Variants in LINGO2 observed in about 807,000 individuals in gnomAD.
LINGO2 encodes the protein leucine rich repeat and Ig domain containing 2.
A neutral mutation model predicts 30.6 loss-of-function variants in LINGO2; 14 were observed. The ratio of observed to expected loss-of-function variants is 0.46; its 90% CI spans 0.30 to 0.72. LINGO2 has a LOEUF of 0.72. Ranked by LOEUF, LINGO2 falls within the 30% of genes least tolerant of loss-of-function variation. The pLI, the probability that LINGO2 is intolerant of heterozygous loss-of-function variation, is 0.07. For synonymous variants in LINGO2, 317 were observed against 288.5 expected, an observed-to-expected ratio of 1.10 and a Z score of -1.00; for missense variants, 729 against 751.7, an observed-to-expected ratio of 0.97 and a Z score of 0.35.
chr9:28,741,869 T>G, the LINGO2 span, among the ~76,000 whole-genome samples: 8,444 of 151,790 alleles, frequency 0.056, 350 homozygotes, highest in East Asian at 0.16. Context: ...GAGTCTAGTT[T>G]GAAGCCTGGG....
intron 4 of LINGO2, among the ~76,000 whole-genome samples, chr9:28,286,768 A>G (rs917914546): frequency 6.6e-6 from 1 of 152,138 alleles, no homozygotes; most frequent in African/African-American, 2.4e-5. Flanking sequence ...ATGAGAACAA[A>G]TGGTCACATA....
intron 4 of LINGO2, among the ~76,000 whole-genome samples, chr9:28,126,822 T>A (rs913603665): frequency 2.0e-5 from 3 of 152,238 alleles, no homozygotes; most frequent in Admixed American, 6.5e-5. Context: ...CAACTGGGGA[T>A]GCTCAGCAGT....
intron 2 of LINGO2, among the ~76,000 whole-genome samples, chr9:28,373,125 T>A (rs1820969787): frequency 6.6e-6 from 1 of 152,194 alleles, no homozygotes; most frequent in Non-Finnish European, 1.5e-5. Context: ...ATAGAAATTA[T>A]GAATGACAAT....
chr9:28,733,424 T>G, the LINGO2 span, among the ~76,000 whole-genome samples: 2 of 152,148 alleles, frequency 1.3e-5, no homozygotes, highest in Non-Finnish European at 2.9e-5. Context: ...TCAAAAAATA[T>G]TGTGGAAAAT....
chr9:28,264,471 G>A (rs1017216033), intron 4 of LINGO2, among the ~76,000 whole-genome samples: 3 of 151,954 alleles, frequency 2.0e-5, no homozygotes, highest in African/African-American at 7.2e-5. Context: ...AACTGTAAAA[G>A]TCATCTATTA....
the LINGO2 span, among the ~76,000 whole-genome samples, chr9:28,779,041 C>T: frequency 1.3e-5 from 2 of 152,012 alleles, no homozygotes; most frequent in African/African-American, 4.8e-5. Context: ...AAATCTTAAC[C>T]GTACTATTTT....
the LINGO2 span, among the ~76,000 whole-genome samples, chr9:28,741,490 G>A: frequency 6.6e-6 from 1 of 151,972 alleles, no homozygotes; most frequent in Non-Finnish European, 1.5e-5. Context: ...TGGGCCTAAT[G>A]CCTGTGGCCT....
chr9:28,166,337 C>T (rs116330093), intron 4 of LINGO2, among the ~76,000 whole-genome samples: 1,625 of 152,244 alleles, frequency 0.011, 26 homozygotes, highest in African/African-American at 0.034. Flanking sequence ...CAGACTTGTC[C>T]GGTGCTACTT....
At chr9:28,415,116 C>A (rs955900601) in intron 2 of LINGO2, among the ~76,000 whole-genome samples, 10 of 151,986 alleles carry the variant, frequency 6.6e-5, no homozygotes, top group Non-Finnish European at 1.5e-4. Flanking sequence ...GAAGGACATG[C>A]ACCAAAATCA....
the LINGO2 span, among the ~76,000 whole-genome samples, chr9:29,035,050 C>T: frequency 3.0e-4 from 45 of 152,082 alleles, no homozygotes; most frequent in African/African-American, 1.1e-3. Context: ...TTCAATTTAA[C>T]TGCATTATTA....
At chr9:27,953,020 T>C (rs1819390513) in intron 5 of LINGO2, among the ~76,000 whole-genome samples, 1 of 152,080 alleles carries the variant, frequency 6.6e-6, no homozygotes, top group Non-Finnish European at 1.5e-5. Context: ...ATGAGTATAA[T>C]AAAATTAAAA....
intron 4 of LINGO2, among the ~76,000 whole-genome samples, chr9:28,240,833 TAA>T (rs778179404): frequency 4.6e-5 from 7 of 152,092 alleles, no homozygotes; most frequent in Non-Finnish European, 1.0e-4. Flanking sequence ...TATAAAAACT[TAA>T]GTTTTAAGTT....
At chr9:28,375,297 C>T (rs1215442194) in intron 2 of LINGO2, among the ~76,000 whole-genome samples, 1 of 152,170 alleles carries the variant, frequency 6.6e-6, no homozygotes, top group Non-Finnish European at 1.5e-5. Context: ...CAGTATTATT[C>T]CCCGGTTCAG....
chr9:28,101,308 C>T (rs1371521985), intron 4 of LINGO2, among the ~76,000 whole-genome samples: 2 of 151,978 alleles, frequency 1.3e-5, no homozygotes, highest in Non-Finnish European at 2.9e-5. Context: ...GCTTTGATTA[C>T]TGAGTCCTGA....
chr9:28,913,629 A>C, the LINGO2 span, among the ~76,000 whole-genome samples: 1 of 152,128 alleles, frequency 6.6e-6, no homozygotes, highest in Non-Finnish European at 1.5e-5. Context: ...GTATACATAC[A>C]TGAGTCTAAA....
At chr9:28,780,433 A>T in the LINGO2 span, among the ~76,000 whole-genome samples, 1 of 152,180 alleles carries the variant, frequency 6.6e-6, no homozygotes, top group Non-Finnish European at 1.5e-5. Context: ...TTAGAAATAA[A>T]TATTTAGCAG....
At chr9:29,114,137 A>G in the LINGO2 span, among the ~76,000 whole-genome samples, 1 of 151,700 alleles carries the variant, frequency 6.6e-6, no homozygotes, top group South Asian at 2.1e-4. Context: ...CCTTAAAAAA[A>G]TCTGTGAATG....
At chr9:28,859,724 C>T in the LINGO2 span, among the ~76,000 whole-genome samples, 2 of 151,970 alleles carry the variant, frequency 1.3e-5, 1 homozygote, top group East Asian at 3.9e-4. Context: ...AATATTTTAC[C>T]ATTCTTCAAA....
At chr9:28,262,858 G>T (rs768893721) in intron 4 of LINGO2, among the ~76,000 whole-genome samples, 3 of 151,914 alleles carry the variant, frequency 2.0e-5, no homozygotes, top group Non-Finnish European at 4.4e-5. Context: ...CATCTCCTGG[G>T]AGTAAGAGCA....
Sources: gnomAD v4.1 joint callset for allele counts (sites outside exome capture counted in the v4.1 genomes callset) on GRCh38, gnomAD v4.1.1 for gene constraint, MANE v1.5 for transcripts, NCBI Gene and HGNC (gene_info 2026-07-23, HGNC 2026-07-21) for gene names.